COL25A1: variants seen among roughly 807,000 people sequenced by gnomAD.
COL25A1 encodes the protein collagen type XXV alpha 1 chain.
COL25A1 carries 103 observed loss-of-function variants against 128.4 expected under a neutral mutation model. The ratio of observed to expected loss-of-function variants is 0.80; its 90% CI spans 0.68 to 0.94. COL25A1 has a LOEUF of 0.94. Among genes scored for constraint, COL25A1 ranks in the 40% least tolerant of loss-of-function variants. COL25A1 has a pLI of 0.00. For missense variants in COL25A1, 745 were observed against 840.0 expected, an observed-to-expected ratio of 0.89 and a Z score of 1.40; for synonymous variants, 279 against 277.2, an observed-to-expected ratio of 1.01 and a Z score of -0.06.
At chr4:109,209,414 C>T (rs1777313451) in intron 3 of COL25A1, among the ~76,000 whole-genome samples, 1 of 151,854 alleles carries the variant, frequency 6.6e-6, no homozygotes, top group Admixed American at 6.6e-5. Context: ...AAATATCATC[C>T]AAATCAATGA....
At position 108,808,762 on chromosome 4, in the gene COL25A1, TTCATTA is replaced by T. The variant is rs1340465064; in HGVS notation, c.*5159_*5164del. On this transcript the variant is annotated 3_prime_UTR_variant, in exon 38 of 38. Coordinates refer to ENST00000399132, the MANE Select transcript of COL25A1 (RefSeq NM_198721.4). ...TCAATAAAGCTTTATAACAATACAA[TTCATTA>T]TCATTGTTTGGATTAATATTGTAAT... 1 of 152,144 alleles carries T rather than the reference TTCATTA, an allele frequency of 6.6e-6. No individual in the cohort carries two copies. The highest frequency in any genetic ancestry group is 6.5e-5 in the Admixed American group (1 of 15,270). 9.4% of individuals were successfully genotyped at this position (152,144 alleles called of 1,614,324 possible).
intron 3 of COL25A1, among the ~76,000 whole-genome samples, chr4:109,070,065 G>C (rs528560062): frequency 6.6e-6 from 1 of 150,950 alleles, no homozygotes; most frequent in Non-Finnish European, 1.5e-5. Context: ...AACCAGCCTG[G>C]CCAACAAGGT....
At chr4:109,090,612 C>T (rs1428540762) in intron 3 of COL25A1, among the ~76,000 whole-genome samples, 2 of 152,200 alleles carry the variant, frequency 1.3e-5, no homozygotes, top group African/African-American at 4.8e-5. Context: ...AGACAATATA[C>T]TTGTAAATGA....
chr4:109,001,421 G>GGATCTGAGATCCTGTCAGGTAGGCAT (rs1755396062), intron 6 of COL25A1, among the ~76,000 whole-genome samples: 1 of 152,254 alleles, frequency 6.6e-6, no homozygotes, highest in Non-Finnish European at 1.5e-5. Context: ...TGTCAGGTAG[G>GGATCTGAGATCCTGTCAGGTAGGCAT]CAGTGAGCTA....
At chr4:109,163,713 T>A (rs1772801434) in intron 3 of COL25A1, among the ~76,000 whole-genome samples, 2 of 152,224 alleles carry the variant, frequency 1.3e-5, no homozygotes, top group African/African-American at 2.4e-5. Flanking sequence ...AGCTCAGCTC[T>A]TGAACTACTC....
intron 6 of COL25A1, among the ~76,000 whole-genome samples, chr4:108,991,153 T>C (rs1030446989): frequency 1.3e-5 from 2 of 152,170 alleles, no homozygotes; most frequent in Admixed American, 6.5e-5. Context: ...ATGCAAAACA[T>C]TGTTGGACTA....
chr4:109,149,962 CTGTG>C (rs1771315918), intron 3 of COL25A1, among the ~76,000 whole-genome samples: 1 of 145,256 alleles, frequency 6.9e-6, no homozygotes, highest in Admixed American at 6.8e-5. Context: ...GTGTGTGTAC[CTGTG>C]TGTATGTATG....
intron 14 of COL25A1, among the ~76,000 whole-genome samples, chr4:108,900,264 G>A (rs1335404869): frequency 6.6e-6 from 1 of 152,126 alleles, no homozygotes; most frequent in Non-Finnish European, 1.5e-5. Flanking sequence ...GAAAGAGAGA[G>A]AAGAAGACAG....
intron 6 of COL25A1, among the ~76,000 whole-genome samples, chr4:109,008,747 ATGCGCGCG>A (rs11277506): frequency 7.2e-5 from 3 of 41,900 alleles, no homozygotes; most frequent in African/African-American, 9.0e-4. Flanking sequence ...ATACACATAC[ATGCGCGCG>A]CACACACACA....
At chr4:109,183,225 G>A (rs1398741541) in intron 3 of COL25A1, among the ~76,000 whole-genome samples, 1 of 151,920 alleles carries the variant, frequency 6.6e-6, no homozygotes, top group Non-Finnish European at 1.5e-5. Flanking sequence ...ATCTCCACCA[G>A]CATCCTGATG....
chr4:109,179,136 G>A (rs577405604), intron 3 of COL25A1, among the ~76,000 whole-genome samples: 1 of 152,246 alleles, frequency 6.6e-6, no homozygotes, highest in East Asian at 1.9e-4. Context: ...TCCTAGTCTG[G>A]AGGCACAGCA....
intron 6 of COL25A1, among the ~76,000 whole-genome samples, chr4:108,985,116 G>A (rs1020489767): frequency 6.6e-6 from 1 of 152,062 alleles, no homozygotes; most frequent in South Asian, 2.1e-4. Flanking sequence ...CTTTTCAGTT[G>A]ATGCCTAAGA....
chr4:109,176,852 A>G (rs915120162), intron 3 of COL25A1, among the ~76,000 whole-genome samples: 11 of 152,168 alleles, frequency 7.2e-5, no homozygotes, highest in African/African-American at 2.7e-4. Context: ...GAGCTCCACA[A>G]GGCCAAGGAT....
chr4:109,265,513 CAGTACGT>C, intron 3 of COL25A1, among the ~76,000 whole-genome samples: 2 of 133,940 alleles, frequency 1.5e-5, no homozygotes, highest in African/African-American at 5.7e-5. Flanking sequence ...ACAGTAATAA[CAGTACGT>C]GTGTGTGTGT....
At chr4:109,138,856 C>T (rs1770089228) in intron 3 of COL25A1, among the ~76,000 whole-genome samples, 1 of 152,010 alleles carries the variant, frequency 6.6e-6, no homozygotes, top group Non-Finnish European at 1.5e-5. Context: ...TACAGGCACC[C>T]ACCACCACGC....
chr4:109,121,701 G>T (rs557947296), intron 3 of COL25A1, among the ~76,000 whole-genome samples: 1 of 152,216 alleles, frequency 6.6e-6, no homozygotes, highest in African/African-American at 2.4e-5. Context: ...AGCCACTTTG[G>T]AAGAAAGTTT....
intron 5 of COL25A1, among the ~76,000 whole-genome samples, chr4:109,017,610 A>G (rs1757338295): frequency 6.6e-6 from 1 of 152,208 alleles, no homozygotes; most frequent in Admixed American, 6.5e-5. Context: ...TCCTTTTCAG[A>G]TGAGACAAAT....
intron 3 of COL25A1, among the ~76,000 whole-genome samples, chr4:109,183,272 C>A (rs1331036997): frequency 6.6e-6 from 1 of 151,920 alleles, no homozygotes; most frequent in Admixed American, 6.6e-5. Context: ...TGCTCCCATA[C>A]CCACCTGCCA....
chr4:109,120,894 A>C lies in COL25A1; in HGVS notation c.368-70715T>G, dbSNP rs1403456296. On this transcript the variant is annotated intron_variant, in intron 3 of 37. Coordinates refer to ENST00000399132, the MANE Select transcript of COL25A1 (RefSeq NM_198721.4). ...AAAATACTTAGATATAAATCTAAAA[A>C]AAATGTGCAAGATCTATATGAGGAA... Among the ~76,000 whole-genome samples, 6 of 152,234 alleles carry C rather than the reference A, an allele frequency of 3.9e-5. No individual in the cohort carries two copies. The East Asian group carries it at 7.7e-4, about 20-fold the overall frequency.
Sources: gnomAD v4.1 joint callset for allele counts (sites outside exome capture counted in the v4.1 genomes callset) on GRCh38, gnomAD v4.1.1 for gene constraint, MANE v1.5 for transcripts, NCBI Gene and HGNC (gene_info 2026-07-23, HGNC 2026-07-21) for gene names.